RBMS3: variants seen among roughly 807,000 people sequenced by gnomAD.
The protein encoded by RBMS3 is RNA binding motif single stranded interacting protein 3.
A neutral mutation model predicts 66.8 loss-of-function variants in RBMS3; 27 were observed. The ratio of observed to expected loss-of-function variants is 0.40; its 90% CI spans 0.30 to 0.56. The LOEUF is 0.56. RBMS3 is among the 20% of genes least tolerant of loss of function. RBMS3 has a pLI of 0.40. For missense variants in RBMS3, 513 were observed against 549.5 expected, an observed-to-expected ratio of 0.93 and a Z score of 0.66; for synonymous variants, 188 against 183.0, an observed-to-expected ratio of 1.03 and a Z score of -0.22.
intron 13 of RBMS3, among the ~76,000 whole-genome samples, chr3:29,988,542 T>G (rs1426991219): frequency 1.3e-5 from 2 of 152,192 alleles, no homozygotes; most frequent in Non-Finnish European, 2.9e-5. Context: ...AGTTTGCAAC[T>G]ATGTGAATGA....
intron 3 of RBMS3, among the ~76,000 whole-genome samples, chr3:29,497,969 A>ATCCTTTT (rs1553611689): frequency 4.0e-4 from 24 of 59,328 alleles, no homozygotes; most frequent in Non-Finnish European, 7.8e-4. Context: ...CTCTAAAAGT[A>ATCCTTTT]TTCATTTTTT....
At chr3:29,297,722 C>T (rs1212649202) in intron 1 of RBMS3, among the ~76,000 whole-genome samples, 1 of 151,664 alleles carries the variant, frequency 6.6e-6, no homozygotes, top group Non-Finnish European at 1.5e-5. Flanking sequence ...TTGTACTTTC[C>T]TCATTTAAGG....
At chr3:29,925,760 G>T (rs1011723964) in intron 10 of RBMS3, among the ~76,000 whole-genome samples, 1 of 152,102 alleles carries the variant, frequency 6.6e-6, no homozygotes, top group Non-Finnish European at 1.5e-5. Context: ...TGGGGCTGGG[G>T]TTCACCTGAG....
At chr3:29,896,416 G>A (rs927678021) in intron 8 of RBMS3, among the ~76,000 whole-genome samples, 67 of 150,780 alleles carry the variant, frequency 4.4e-4, no homozygotes, top group Admixed American at 4.0e-3. Context: ...ATCCAATAAA[G>A]CAAAAGAATT....
chr3:29,319,473 T>G (rs1446973239), intron 1 of RBMS3, among the ~76,000 whole-genome samples: 1 of 151,898 alleles, frequency 6.6e-6, no homozygotes, highest in African/African-American at 2.4e-5. Flanking sequence ...TTTGACTGTA[T>G]AGAAAAAGAT....
At chr3:29,763,832 A>C (rs1352655253) in intron 6 of RBMS3, among the ~76,000 whole-genome samples, 1 of 152,058 alleles carries the variant, frequency 6.6e-6, no homozygotes, top group Admixed American at 6.6e-5. Flanking sequence ...AAATTACGTA[A>C]AGATTCATCT....
intron 6 of RBMS3, among the ~76,000 whole-genome samples, chr3:29,763,929 T>C (rs976013273): frequency 6.6e-6 from 1 of 152,094 alleles, no homozygotes; most frequent in African/African-American, 2.4e-5. Flanking sequence ...TCTTACAATA[T>C]GTGACTTTAA....
intron 3 of RBMS3, among the ~76,000 whole-genome samples, chr3:29,574,295 CT>C (rs554287569): frequency 1.8e-4 from 27 of 152,240 alleles, no homozygotes; most frequent in Non-Finnish European, 3.7e-4. Flanking sequence ...GGATTGACCC[CT>C]TTATCATTAT....
chr3:29,409,773 A>G (rs1225355493), intron 1 of RBMS3, among the ~76,000 whole-genome samples: 3 of 152,224 alleles, frequency 2.0e-5, no homozygotes, highest in Admixed American at 1.3e-4. Context: ...TTGAAGCATC[A>G]ATGTGCCTGC....
chr3:29,587,318 G>C, intron 4 of RBMS3, 113 bp downstream of exon 4: 131 of 513,336 alleles, frequency 2.6e-4, no homozygotes, highest in East Asian at 4.8e-4. Flanking sequence ...AAGAAGGAGA[G>C]ATTAAATATT....
intron 6 of RBMS3, among the ~76,000 whole-genome samples, chr3:29,817,335 C>G (rs988114818): frequency 6.6e-6 from 1 of 151,932 alleles, no homozygotes; most frequent in Non-Finnish European, 1.5e-5. Context: ...TCCCGAGTAA[C>G]TGGGATTACA....
intron 4 of RBMS3, among the ~76,000 whole-genome samples, chr3:29,663,755 T>A (rs945292327): frequency 1.4e-5 from 2 of 139,140 alleles, no homozygotes; most frequent in African/African-American, 5.0e-5. Flanking sequence ...TGTTTCTTTT[T>A]TAAAAAAAAA....
At chr3:29,901,642 A>ATG (rs766587789) in intron 10 of RBMS3, among the ~76,000 whole-genome samples, 5 of 151,620 alleles carry the variant, frequency 3.3e-5, no homozygotes, top group Non-Finnish European at 5.9e-5. Context: ...GTGTGTGTAC[A>ATG]TGTGTGTGTG....
intron 2 of RBMS3, among the ~76,000 whole-genome samples, chr3:29,481,549 A>G (rs923486438): frequency 1.3e-5 from 2 of 152,198 alleles, no homozygotes; most frequent in African/African-American, 4.8e-5. Context: ...ACTGAAGTAG[A>G]GCGGTGGATC....
At chr3:29,942,947 C>A (rs1046394382) in intron 11 of RBMS3, among the ~76,000 whole-genome samples, 3 of 151,364 alleles carry the variant, frequency 2.0e-5, no homozygotes, top group African/African-American at 4.8e-5. Flanking sequence ...GGATTATAAT[C>A]AACTCAGTAG....
chr3:29,348,905 T>C (rs537021842), intron 1 of RBMS3, among the ~76,000 whole-genome samples: 47 of 152,312 alleles, frequency 3.1e-4, no homozygotes, highest in African/African-American at 8.4e-4. Context: ...GAGAGTAAGA[T>C]GCTTGGTGCT....
chr3:29,699,043 T>G (rs562511225), intron 4 of RBMS3, among the ~76,000 whole-genome samples: 40 of 152,198 alleles, frequency 2.6e-4, no homozygotes, highest in Non-Finnish European at 4.3e-4. Context: ...CATTTCCCAA[T>G]TGATAGGCAA....
At chr3:29,731,711 G>A (rs550176529) in intron 4 of RBMS3, among the ~76,000 whole-genome samples, 3 of 152,124 alleles carry the variant, frequency 2.0e-5, no homozygotes, top group Non-Finnish European at 2.9e-5. Flanking sequence ...AGAGCTGATC[G>A]TATGTCCTCA....
chr3:29,786,817 C>T (rs2056836988), intron 6 of RBMS3, among the ~76,000 whole-genome samples: 1 of 151,874 alleles, frequency 6.6e-6, no homozygotes, highest in Non-Finnish European at 1.5e-5. Context: ...AAAGCAAATG[C>T]AACAAAAATA....
Sources: allele counts gnomAD v4.1 joint callset (sites outside exome capture counted in the v4.1 genomes callset), GRCh38; gene constraint gnomAD v4.1.1; transcripts MANE v1.5; gene names NCBI Gene and HGNC (gene_info 2026-07-23, HGNC 2026-07-21).